The following NELFCD variants were observed in gnomAD, a reference collection of about 807,000 sequenced individuals.
NELFCD encodes negative elongation factor C/D.
In NELFCD, 48 loss-of-function variants were observed where a neutral mutation model predicts 72.9. That is an observed-to-expected ratio of 0.66 (90% CI 0.52 to 0.84). NELFCD has a LOEUF of 0.84. NELFCD is among the 40% of genes least tolerant of loss of function. NELFCD has a pLI of 0.00. For missense variants in NELFCD, 538 were observed against 723.8 expected (o/e 0.74, Z 2.94); for synonymous variants, 297 against 280.6 (o/e 1.06, Z -0.59).
chr20:58,986,594 C>G lies in NELFCD; in HGVS notation c.177-160C>G, dbSNP rs371563978. 1 of 678,858 alleles carries G rather than the reference C, an allele frequency of 1.5e-6. No individual in the cohort carries two copies. The highest frequency in any genetic ancestry group is 1.6e-5 in the South Asian group (1 of 61,364). 42.1% of individuals were successfully genotyped at this position (678,858 alleles called of 1,614,324 possible). ...CTAGGCTCAAGTGATTCTCCCACCT[C>G]TGCCTCCCAAAGTGCTGGGATTACA... On this transcript the variant is annotated intron_variant, in intron 2 of 14. Transcript: ENST00000652272. This position sits in a 1 kb window ranked among gnomAD's most constrained non-coding sequence, Gnocchi z 4.4.
rs1300211627 is a variant in NELFCD at position 58,989,034 on chromosome 20, C to G, written c.504+13C>G. 1.3e-6 allele frequency: 2 copies of G among 1,572,608 alleles called. No homozygotes were observed. The highest frequency in any genetic ancestry group is 1.7e-5 in the Admixed American group (1 of 59,956). On this transcript the variant is annotated intron_variant, in intron 5 of 14. Transcript: ENST00000652272. Reference sequence around the variant, plus strand: ...CTTCACCGTTAAGGTAGGAAGAGTTCTAGAGTTAAGGAGAAAAGTGTTTAT... The same window carrying G: ...CTTCACCGTTAAGGTAGGAAGAGTTGTAGAGTTAAGGAGAAAAGTGTTTAT...
chr20:58,994,572 A>C (rs1468459624), intron 14 of NELFCD, 70 bp from the exon 15 acceptor site: 1 of 1,338,568 alleles, frequency 7.5e-7, no homozygotes, highest in Non-Finnish European at 1.1e-6. Context: ...CAAAAAAAAA[A>C]AAAAAAAAGA....
At position 58,991,944 on chromosome 20, in the gene NELFCD, C is replaced by G; in HGVS notation, c.1153C>G (p.His385Asp). Reference protein sequence around the residue: ...KSTSKAVETVHNLCCNENKGA... With the variant: ...KSTSKAVETVDNLCCNENKGA... Reference sequence around the variant, plus strand: ...AACGTCAAAAGCTGTCGAAACCGTTCACAATTTGTGTTGCAACGAGAACAA... The same window carrying G: ...AACGTCAAAAGCTGTCGAAACCGTTGACAATTTGTGTTGCAACGAGAACAA... Residue 385 changes from histidine to aspartate, a missense_variant, in exon 10 of 15, where the codon CAC (histidine) becomes GAC (aspartate). Physicochemically the swap from His to Asp is moderately conservative, Grantham distance 81. Transcript: ENST00000652272. 6.2e-7 allele frequency: 1 copy of G among 1,614,136 alleles called. No homozygotes were observed. Among genetic ancestry groups the G allele is most frequent in the Non-Finnish European group, 8.5e-7 (1 of 1,180,030 alleles).
chr20:58,990,138 T>C (rs919128658), intron 7 of NELFCD, 150 bp downstream of exon 7: 12 of 1,033,534 alleles, frequency 1.2e-5, no homozygotes, highest in East Asian at 1.0e-4. Flanking sequence ...GGCTCACGCC[T>C]GTAATCCCAG....
rs1601212375 is a variant in NELFCD, at chr20:58,986,630, A to G, written c.177-124A>G. The G allele has an allele frequency of 2.6e-6, 2 of 773,110 alleles. No individual in the cohort carries two copies. Among genetic ancestry groups the G allele is most frequent in the East Asian group, 4.9e-5 (2 of 40,840 alleles). The allele number at this position is 773,110 out of a possible 1,614,324, so 47.9% of individuals were successfully genotyped here. On this transcript the variant is annotated intron_variant, in intron 2 of 14. Coordinates refer to ENST00000652272, the MANE Select transcript of NELFCD (RefSeq NM_198976.4). The surrounding 1 kb of genome is among the most constrained non-coding windows in gnomAD (Gnocchi z 4.4). ...AGTGCTGGGATTACAGGTGTGCACCACTGCACCCAGCCCCCTCCGCTGCTT... is the reference window on the plus strand; with the variant it reads ...AGTGCTGGGATTACAGGTGTGCACCGCTGCACCCAGCCCCCTCCGCTGCTT...
intron 1 of NELFCD, among the ~76,000 whole-genome samples, chr20:58,983,508 T>C (rs1242928863): frequency 6.6e-6 from 1 of 150,854 alleles, no homozygotes; most frequent in African/African-American, 2.4e-5. Flanking sequence ...GGTGCCATCT[T>C]GGCTCACTGC....
rs114844445 is a variant in NELFCD at position 58,985,376 on chromosome 20, A to C, written c.61-717A>C. 7.6e-3 allele frequency among the ~76,000 whole-genome samples: 1,155 copies of C among 152,356 alleles called. 20 individuals are homozygous for C. Among genetic ancestry groups the C allele is most frequent in the African/African-American group, 0.027 (1,112 of 41,578 alleles). On this transcript the variant is annotated intron_variant, in intron 1 of 14. Transcript: ENST00000652272. ...GTTCCTTGGTTGATGAGCATAGTGC[A>C]GACTGAATGTTCAAAAAGCATCTGC...
chr20:58,989,543 A>C lies in NELFCD; in HGVS notation c.560A>C (p.Gln187Pro). 6.2e-7 allele frequency: 1 copy of C among 1,614,196 alleles called. No individual in the cohort carries two copies. The highest frequency in any genetic ancestry group is 8.5e-7 in the Non-Finnish European group (1 of 1,180,020). Residue 187 changes from glutamine to proline, a missense_variant, in exon 6 of 15, where the codon CAG (glutamine) becomes CCG (proline). By Grantham distance (76) the Gln-to-Pro change is moderately conservative. Around this residue, in one of 3 missense-constraint regions of NELFCD, gnomAD observed 355 missense variants for 534.5 expected, o/e 0.66. Transcript: ENST00000652272. The stretch of plus-strand genomic sequence containing the variant: ...ATCACCAGTGTGTCCACAGCATGCC[A>C]GCAGCTAGAAGTGTTCTCGAGAGTG... Reference protein sequence around the residue: ...GEITSVSTACQQLEVFSRVLR... With the variant: ...GEITSVSTACPQLEVFSRVLR...
chr20:58,989,095 G>T, intron 5 of NELFCD, 74 bp downstream of exon 5: 2 of 1,126,640 alleles, frequency 1.8e-6, no homozygotes, highest in South Asian at 1.3e-5. Context: ...TGTTTCCTTT[G>T]ACAGTTCATA....
Position 58,986,522 on chromosome 20 carries a change from T to C in NELFCD, c.177-232T>C, listed in dbSNP as rs904935354. 1.8e-6 allele frequency: 1 copy of C among 560,174 alleles called. No homozygotes were observed. Among genetic ancestry groups the C allele is most frequent in the East Asian group, 3.1e-5 (1 of 31,758 alleles). The allele number at this position is 560,174 out of a possible 1,614,324, so 34.7% of individuals were successfully genotyped here. On this transcript the variant is annotated intron_variant, in intron 2 of 14. Coordinates refer to ENST00000652272, the MANE Select transcript of NELFCD (RefSeq NM_198976.4). This position sits in a 1 kb window ranked among gnomAD's most constrained non-coding sequence, Gnocchi z 4.4. ...GCCTGGCTATTTTTGTTTTTGTTTT[T>C]TGGGAGAGACAGGGCTCCTTACGTT... is the stretch of plus-strand genomic sequence containing the variant.
chr20:58,984,757 G>A (rs1324236944), intron 1 of NELFCD, among the ~76,000 whole-genome samples: 1 of 152,154 alleles, frequency 6.6e-6, no homozygotes, highest in African/African-American at 2.4e-5. Flanking sequence ...CGGAGAGAGA[G>A]ATCCAGGCTA....
Position 58,987,893 on chromosome 20 carries a change from G to T in NELFCD, c.396+76G>T. ...AATTCCCTGTGTACAGTGGAGCGTG[G>T]CATATCATGTAAGTAATGGCAGAGT... On this transcript the variant is annotated intron_variant, in intron 4 of 14. Coordinates refer to ENST00000652272, the MANE Select transcript of NELFCD (RefSeq NM_198976.4). 3.7e-6 allele frequency: 4 copies of T among 1,080,758 alleles called. No individual in the cohort carries two copies. In the Admixed American group the frequency reaches 7.6e-5, roughly 20 times the overall value. The allele number at this position is 1,080,758 out of a possible 1,614,324, so 66.9% of individuals were successfully genotyped here.
chr20:58,990,259 G>C (rs762642013), intron 7 of NELFCD: 1 of 394,548 alleles, frequency 2.5e-6, no homozygotes, highest in Non-Finnish European at 4.7e-6. Context: ...AATTAGCCGG[G>C]TGTGGCGGCA....
At chr20:58,991,229 G>A (rs1455631375) in intron 8 of NELFCD, 83 bp from the exon 9 acceptor site, 6 of 1,589,436 alleles carry the variant, frequency 3.8e-6, no homozygotes, top group African/African-American at 1.3e-5. Flanking sequence ...TTGGGCCCCT[G>A]CTGTGTAGGG....
intron 14 of NELFCD, 31 bp downstream of exon 14, chr20:58,994,270 A>G (rs372888023): frequency 1.2e-4 from 194 of 1,607,548 alleles, no homozygotes; most frequent in Non-Finnish European, 1.6e-4. Flanking sequence ...CTTTACTACA[A>G]TAGAAAATGT....
intron 9 of NELFCD, 58 bp from the exon 10 acceptor site, chr20:58,991,822 AC>A: frequency 4.4e-6 from 7 of 1,585,764 alleles, no homozygotes; most frequent in Non-Finnish European, 6.0e-6. Flanking sequence ...ACACCAGAAC[AC>A]CCCGACAGCA....
In NELFCD at chr20:58,993,672, C is replaced by G; in HGVS notation, c.1489C>G (p.Arg497Gly). The G allele has an allele frequency of 6.2e-7, 1 of 1,614,152 alleles. No homozygotes were observed. Among genetic ancestry groups the G allele is most frequent in the Non-Finnish European group, 8.5e-7 (1 of 1,180,032 alleles). The change falls in exon 13 of 15, where the codon CGA becomes GGA. Residue 497 changes from arginine (R) to glycine (G), a missense_variant. By Grantham distance (125) the Arg-to-Gly change is moderately radical. This residue lies in a region of NELFCD where 136 missense variants were observed against 154.0 expected (regional missense o/e 0.88). Coordinates refer to ENST00000652272, the MANE Select transcript of NELFCD (RefSeq NM_198976.4). This position sits in a 1 kb window ranked among gnomAD's most constrained non-coding sequence, Gnocchi z 5.0. ...LLDRMVHLLS[R>G]GYVLPVVSYI... Reference sequence around the variant, plus strand: ...GGACAGGATGGTTCACCTGCTGAGTCGAGGTTATGTACTTCCTGTTGTCAG... The same window carrying G: ...GGACAGGATGGTTCACCTGCTGAGTGGAGGTTATGTACTTCCTGTTGTCAG...
In NELFCD at chr20:58,986,247, G is replaced by A; in HGVS notation, c.176+39G>A. 4 of 1,381,388 alleles carry A rather than the reference G, an allele frequency of 2.9e-6. No homozygotes were observed. Among genetic ancestry groups the A allele is most frequent in the Non-Finnish European group, 4.1e-6 (4 of 968,422 alleles). The allele number at this position is 1,381,388 out of a possible 1,614,324, so 85.6% of individuals were successfully genotyped here. A position where few individuals can be genotyped will look rare whatever the true frequency, so the allele number is the denominator to read the frequency against. Reference sequence around the variant, plus strand: ...GTGTCTGTATTGGGAGGAGGCTGGGGGTAATTTAGAGAAAGTTTTGTAATA... The same window carrying A: ...GTGTCTGTATTGGGAGGAGGCTGGGAGTAATTTAGAGAAAGTTTTGTAATA... On this transcript the variant is annotated intron_variant, in intron 2 of 14. Coordinates refer to ENST00000652272, the MANE Select transcript of NELFCD (RefSeq NM_198976.4). This position sits in a 1 kb window ranked among gnomAD's most constrained non-coding sequence, Gnocchi z 4.4.
chr20:58,986,473 G>A lies in NELFCD; in HGVS notation c.176+265G>A. On this transcript the variant is annotated intron_variant, in intron 2 of 14. Coordinates refer to ENST00000652272, the MANE Select transcript of NELFCD (RefSeq NM_198976.4). The surrounding 1 kb of genome is among the most constrained non-coding windows in gnomAD (Gnocchi z 4.4). ...TCTCCCACCTCAGCCTTGCAAGGTG[G>A]CCACCACAGGCGTCTGCCATCATGC... The A allele has an allele frequency of 1.8e-6, 1 of 549,606 alleles. No individual in the cohort carries two copies. The highest frequency in any genetic ancestry group is 3.2e-6 in the Non-Finnish European group (1 of 314,358). 34.0% of individuals were successfully genotyped at this position (549,606 alleles called of 1,614,324 possible).
Sources: gnomAD v4.1 joint callset for allele counts (sites outside exome capture counted in the v4.1 genomes callset) on GRCh38, gnomAD v4.1.1 for gene constraint, gnomAD v4.1.1 regional missense constraint, Gnocchi (gnomAD v3.1) non-coding constraint, MANE v1.5 for transcripts, NCBI Gene and HGNC (gene_info 2026-07-23, HGNC 2026-07-21) for gene names.